ATG4B: variants seen among roughly 807,000 people sequenced by gnomAD.
ATG4B encodes the protein cysteine protease ATG4B.
In ATG4B, 29 loss-of-function variants were observed where a neutral mutation model predicts 56.6. The observed-to-expected ratio is 0.51, with a 90% confidence interval of 0.38 to 0.70. The LOEUF (loss-of-function observed/expected upper bound fraction) is 0.70. Among genes scored for constraint, ATG4B ranks in the 30% least tolerant of loss-of-function variants. ATG4B has a pLI of 0.00. For synonymous variants in ATG4B, 224 were observed against 206.1 expected (o/e 1.09, Z -0.74); for missense variants, 461 against 515.5 (o/e 0.89, Z 1.02).
intron 7 of ATG4B, among the ~76,000 whole-genome samples, chr2:241,661,655 A>G (rs1318943981): frequency 6.6e-6 from 1 of 152,200 alleles, no homozygotes; most frequent in Non-Finnish European, 1.5e-5. Context: ...TCCTGCAGCG[A>G]AAGAGCTGCC....
intron 7 of ATG4B, among the ~76,000 whole-genome samples, chr2:241,661,653 C>T (rs866172866): frequency 7.2e-5 from 11 of 152,252 alleles, no homozygotes; most frequent in Non-Finnish European, 1.0e-4. Flanking sequence ...CTTCCTGCAG[C>T]GAAAGAGCTG....
chr2:241,646,455 G>A (rs1303408112), intron 1 of ATG4B, among the ~76,000 whole-genome samples: 1 of 152,186 alleles, frequency 6.6e-6, no homozygotes, highest in Non-Finnish European at 1.5e-5. Context: ...TTCTTCTGAA[G>A]TACAGATGGT....
intron 1 of ATG4B, chr2:241,638,359 GAAAGAGAA>G (rs2067752140): frequency 6.6e-6 from 1 of 150,804 alleles, no homozygotes; most frequent in Admixed American, 6.7e-5. Context: ...AAGAGAGAGA[GAAAGAGAA>G]GGAGTGTGTG....
chr2:241,651,477 G>A lies in ATG4B; in HGVS notation c.184+142G>A, dbSNP rs570993231. On this transcript the variant is annotated intron_variant, in intron 3 of 12. Coordinates refer to ENST00000404914, the MANE Select transcript of ATG4B (RefSeq NM_013325.5). The surrounding 1 kb of genome is among the most constrained non-coding windows in gnomAD (Gnocchi z 4.1). ...ATCCTGCTTAACTGAATTGGCCGAG[G>A]CCTCACGTGTAGTAGTGGCAAAGCT... 111 of 725,460 alleles carry A rather than the reference G, an allele frequency of 1.5e-4. No homozygotes were observed. Among genetic ancestry groups the A allele is most frequent in the South Asian group, 1.2e-3 (63 of 53,210 alleles). 44.9% of individuals were successfully genotyped at this position (725,460 alleles called of 1,614,324 possible). A position where few individuals can be genotyped will look rare whatever the true frequency, so the allele number is the denominator to read the frequency against.
rs771274919 is a variant in ATG4B at position 241,668,218 on chromosome 2, G to A, written c.808G>A (p.Val270Ile). Residue 270 changes from valine (V) to isoleucine (I), a missense_variant, in exon 9 of 13, where the codon GTT (valine) becomes ATT (isoleucine). By Grantham distance (29) the Val-to-Ile change is conservative. Transcript: ENST00000404914. The surrounding 1 kb of genome is among the most constrained non-coding windows in gnomAD (Gnocchi z 4.2). ...CAGCGCCCACTACTTCATCGGCTAC[G>A]TTGGTGAGTCCAGGGTTCCCACCGT... ...PNSAHYFIGY[V>I]GEELIYLDPH... is the part of the protein sequence containing the mutation. 7 of 1,600,850 alleles carry A rather than the reference G, an allele frequency of 4.4e-6. No individual in the cohort carries two copies. The highest frequency in any genetic ancestry group is 4.0e-5 in the African/African-American group (3 of 74,558).
Position 241,666,844 on chromosome 2 carries a change from T to TCCTG in ATG4B, c.732+9_732+12dup. The TCCTG allele has an allele frequency of 6.4e-7, 1 of 1,554,412 alleles. No homozygotes were observed. The highest frequency in any genetic ancestry group is 8.7e-7 in the Non-Finnish European group (1 of 1,150,278). ...CCTACGTGGAGACGCTGAAGGTGGGTCCTGCCGTGCGGCGCTTGCCCTGAG... is the reference window on the plus strand; with the variant it reads ...CCTACGTGGAGACGCTGAAGGTGGGTCCTGCCTGCCGTGCGGCGCTTGCCCTGAG... On this transcript the variant is annotated splice_region_variant and intron_variant, in intron 8 of 12. Transcript: ENST00000404914.
chr2:241,638,832 C>T (rs755418357), intron 1 of ATG4B, among the ~76,000 whole-genome samples: 3 of 152,222 alleles, frequency 2.0e-5, no homozygotes, highest in Non-Finnish European at 2.9e-5. Context: ...TTTAGAATAA[C>T]CGTCATTCAC....
At chr2:241,664,722 G>A (rs1575084768) in intron 7 of ATG4B, among the ~76,000 whole-genome samples, 1 of 152,132 alleles carries the variant, frequency 6.6e-6, no homozygotes, top group Non-Finnish European at 1.5e-5. Flanking sequence ...TCAGCACTTC[G>A]GGAGGCTGAG....
intron 5 of ATG4B, chr2:241,655,055 T>C: frequency 1.7e-6 from 1 of 596,414 alleles, no homozygotes. Flanking sequence ...GGTCCCTTCA[T>C]TTCCCCTCCT....
rs2068211763 is a variant in ATG4B, at chr2:241,650,995, C to G, written c.11-15C>G. 1.9e-6 allele frequency: 3 copies of G among 1,602,296 alleles called. No homozygotes were observed. The highest frequency in any genetic ancestry group is 1.7e-6 in the Non-Finnish European group (2 of 1,171,552). ...TTATAAGTGTCTGATGATTGTGCAT[C>G]TTTGGTTTCAACAGCTACTCTGACC... On this transcript the variant is annotated splice_polypyrimidine_tract_variant and intron_variant, in intron 1 of 12. Transcript: ENST00000404914.
intron 6 of ATG4B, among the ~76,000 whole-genome samples, chr2:241,658,153 A>T (rs2068469109): frequency 6.6e-6 from 1 of 152,196 alleles, no homozygotes; most frequent in Admixed American, 6.5e-5. Flanking sequence ...CAGCTTTGCC[A>T]GTGCTGCTGT....
intron 7 of ATG4B, among the ~76,000 whole-genome samples, chr2:241,661,778 C>T (rs2068601193): frequency 6.6e-6 from 1 of 152,020 alleles, no homozygotes; most frequent in South Asian, 2.1e-4. Context: ...TCCTTCTGTC[C>T]ACCCCCAGTC....
At chr2:241,643,364 ATTT>A (rs71049595) in intron 1 of ATG4B, among the ~76,000 whole-genome samples, 3 of 109,814 alleles carry the variant, frequency 2.7e-5, no homozygotes, top group African/African-American at 3.6e-5. Flanking sequence ...ACGCCTAGCT[ATTT>A]TTTTTTTTTT....
chr2:241,650,892 G>A (rs2068208985), intron 1 of ATG4B, 118 bp from the exon 2 acceptor site: 3 of 808,072 alleles, frequency 3.7e-6, no homozygotes, highest in Middle Eastern at 2.3e-4. Flanking sequence ...AGGGAGTGCT[G>A]CTGTTACAAG....
At position 241,666,685 on chromosome 2, in the gene ATG4B, T is replaced by G. The variant is rs1290430884; in HGVS notation, c.579T>G (p.Thr193=). 2 of 1,613,376 alleles carry G rather than the reference T, an allele frequency of 1.2e-6. No individual in the cohort carries two copies. The highest frequency in any genetic ancestry group is 2.7e-5 in the African/African-American group (2 of 74,930). ...CRTSVPCAGA[T]AFPADSDRHC... ...CCAGCGTTCCCTGTGCAGGCGCCAC[T>G]GCGTTTCCTGCAGATTCCGACCGGC... Residue 193 remains threonine (T), a synonymous_variant, in exon 8 of 13, where the codon ACT becomes ACG. Transcript: ENST00000404914.
chr2:241,643,925 A>C (rs1052810411), intron 1 of ATG4B, among the ~76,000 whole-genome samples: 14 of 152,140 alleles, frequency 9.2e-5, no homozygotes, highest in African/African-American at 3.4e-4. Context: ...TTACCTTATA[A>C]ATCACATGAT....
intron 3 of ATG4B, 138 bp from the exon 4 acceptor site, chr2:241,653,374 G>A: frequency 1.9e-6 from 3 of 1,550,632 alleles, no homozygotes; most frequent in South Asian, 1.2e-5. Flanking sequence ...TAAGAGGTGT[G>A]TGTTGCCCCA....
chr2:241,658,860 C>T lies in ATG4B; in HGVS notation c.459-248C>T, dbSNP rs112612893. Among the ~76,000 whole-genome samples, 103 of 152,334 alleles carry T rather than the reference C, an allele frequency of 6.8e-4. 1 individual carries two copies. Among genetic ancestry groups the T allele is most frequent in the African/African-American group, 2.2e-3 (90 of 41,592 alleles). ...AACCAGGCCACTCAAAAGCCTCTTG[C>T]GTGTGCTCTCTATGAATGGAGGCTG... On this transcript the variant is annotated intron_variant, in intron 6 of 12. Coordinates refer to ENST00000404914, the MANE Select transcript of ATG4B (RefSeq NM_013325.5).
chr2:241,654,774 T>G, intron 5 of ATG4B, 127 bp downstream of exon 5: 1 of 714,118 alleles, frequency 1.4e-6, no homozygotes, highest in African/African-American at 1.8e-5. Flanking sequence ...CTGTAAACAC[T>G]GACCTCTGAC....
Sources: allele counts gnomAD v4.1 joint callset (sites outside exome capture counted in the v4.1 genomes callset), GRCh38; gene constraint gnomAD v4.1.1; non-coding constraint Gnocchi (gnomAD v3.1); transcripts MANE v1.5; gene names NCBI Gene and HGNC (gene_info 2026-07-23, HGNC 2026-07-21).